ZMAT3: variants seen among roughly 807,000 people sequenced by gnomAD.
ZMAT3 encodes zinc finger matrin-type 3.
ZMAT3 carries 17 observed loss-of-function variants against 32.3 expected under a neutral mutation model. The ratio of observed to expected loss-of-function variants is 0.53; its 90% confidence interval spans 0.36 to 0.79. The LOEUF (loss-of-function observed/expected upper bound fraction) is 0.79. Among genes scored for constraint, ZMAT3 ranks in the 30% least tolerant of loss-of-function variants. ZMAT3 has a pLI of 0.00. For missense variants in ZMAT3, 329 were observed against 359.7 expected (o/e 0.91, Z 0.69); for synonymous variants, 120 against 133.1 (o/e 0.90, Z 0.68).
intron 2 of ZMAT3, among the ~76,000 whole-genome samples, chr3:179,033,772 G>A (rs1560086818): frequency 2.0e-5 from 3 of 152,142 alleles, no homozygotes; most frequent in Non-Finnish European, 4.4e-5. Context: ...TTATTCATTT[G>A]CTGCTCACAA....
At chr3:179,063,897 T>C (rs1172966522) in intron 2 of ZMAT3, among the ~76,000 whole-genome samples, 2 of 152,240 alleles carry the variant, frequency 1.3e-5, no homozygotes, top group African/African-American at 4.8e-5. Context: ...GACCAGTTTT[T>C]AAAAGTCCTT....
chr3:179,027,608 CA>C (rs772148681), intron 4 of ZMAT3, 37 bp downstream of exon 4: 5 of 1,613,824 alleles, frequency 3.1e-6, no homozygotes, highest in Non-Finnish European at 4.2e-6. Context: ...GTCAATCTCA[CA>C]TAACACTTTG....
At position 179,027,711 on chromosome 3, in the gene ZMAT3, A is replaced by C; in HGVS notation, c.492T>G (p.Ala164=). ...ASFSSPAVAQ[A]HYQGKNHAKR... ...TGGCATGATTCTTCCCTTGATAGTG[A>C]GCCTGAGCCACAGCTGGGGAACTGA... The change falls in exon 4 of 6, where the codon GCT becomes GCG. Residue 164 remains alanine (A), a synonymous_variant. Coordinates refer to ENST00000311417, the MANE Select transcript of ZMAT3 (RefSeq NM_022470.4). The C allele has an allele frequency of 2.5e-6, 4 of 1,614,170 alleles. No homozygotes were observed. Among genetic ancestry groups the C allele is most frequent in the Non-Finnish European group, 3.4e-6 (4 of 1,180,032 alleles).
intron 2 of ZMAT3, among the ~76,000 whole-genome samples, chr3:179,045,394 T>C (rs1048364100): frequency 6.6e-6 from 1 of 152,148 alleles, no homozygotes; most frequent in African/African-American, 2.4e-5. Flanking sequence ...AGTGACCACC[T>C]ACAGGACAAC....
At chr3:179,054,910 C>G (rs1029283500) in intron 2 of ZMAT3, among the ~76,000 whole-genome samples, 3 of 152,212 alleles carry the variant, frequency 2.0e-5, no homozygotes, top group Non-Finnish European at 4.4e-5. Context: ...ACACTAGTCA[C>G]TGGGTTCCAT....
intron 2 of ZMAT3, among the ~76,000 whole-genome samples, chr3:179,043,216 A>T (rs1176345803): frequency 6.6e-6 from 1 of 152,240 alleles, no homozygotes; most frequent in Non-Finnish European, 1.5e-5. Flanking sequence ...AGAATTGGAA[A>T]AAACTACTTT....
chr3:179,049,991 C>T (rs530813318), intron 2 of ZMAT3, among the ~76,000 whole-genome samples: 1 of 8,128 alleles, frequency 1.2e-4, no homozygotes, highest in African/African-American at 4.8e-4. Context: ...GACTCCGTCT[C>T]AAAAAAAAAA....
intron 2 of ZMAT3, among the ~76,000 whole-genome samples, chr3:179,060,154 CA>C (rs201856323): frequency 9.1e-5 from 13 of 142,428 alleles, no homozygotes; most frequent in African/African-American, 2.3e-4. Flanking sequence ...CTTGCAACTG[CA>C]AAAAAAAAAT....
intron 2 of ZMAT3, among the ~76,000 whole-genome samples, chr3:179,065,019 CTTAG>C (rs1394352011): frequency 6.6e-6 from 1 of 152,136 alleles, no homozygotes; most frequent in Non-Finnish European, 1.5e-5. Context: ...ACTGCTTTGC[CTTAG>C]TTGTCTGTTA....
At chr3:179,051,278 A>G (rs187767148) in intron 2 of ZMAT3, among the ~76,000 whole-genome samples, 1 of 152,200 alleles carries the variant, frequency 6.6e-6, no homozygotes, top group Non-Finnish European at 1.5e-5. Context: ...CTGGTAAATG[A>G]ATTCAGCAAA....
At chr3:179,051,933 C>T (rs1375089027) in intron 2 of ZMAT3, among the ~76,000 whole-genome samples, 2 of 152,138 alleles carry the variant, frequency 1.3e-5, no homozygotes, top group African/African-American at 4.8e-5. Context: ...GGGGAAAGGA[C>T]ACTCTATTGA....
At chr3:179,064,740 C>T (rs1272302682) in intron 2 of ZMAT3, among the ~76,000 whole-genome samples, 2 of 152,146 alleles carry the variant, frequency 1.3e-5, no homozygotes. Flanking sequence ...CTGGTCTTAG[C>T]CTTGTCTTCA....
rs142126928 is a variant in ZMAT3, at chr3:179,026,055, G to A, written c.659-827C>T. 4.5e-4 allele frequency among the ~76,000 whole-genome samples: 69 copies of A among 152,188 alleles called. No homozygotes were observed. In the East Asian group the frequency reaches 0.013, roughly 29 times the overall value. ...CAAGTGTTAATATATTTTCATTACTGTTTCACTGTAGGAATTTTTAATTTC... is the reference window on the plus strand; with the variant it reads ...CAAGTGTTAATATATTTTCATTACTATTTCACTGTAGGAATTTTTAATTTC... On this transcript the variant is annotated intron_variant, in intron 5 of 5. Transcript: ENST00000311417.
chr3:179,021,300 ACACT>A lies in ZMAT3; in HGVS notation c.*3713_*3716del, dbSNP rs1368235097. 1 of 152,246 alleles carries A rather than the reference ACACT, an allele frequency of 6.6e-6. No individual in the cohort carries two copies. Among genetic ancestry groups the A allele is most frequent in the Non-Finnish European group, 1.5e-5 (1 of 68,050 alleles). 9.4% of individuals were successfully genotyped at this position (152,246 alleles called of 1,614,324 possible). On this transcript the variant is annotated 3_prime_UTR_variant, in exon 6 of 6. Transcript: ENST00000311417. ...AGTGCACTCAAAAGGATTACAGGGC[ACACT>A]CAGTTTAGTAACTGAACTTTTTTTA...
Position 179,032,074 on chromosome 3 carries a change from C to A in ZMAT3, c.271-1075G>T, listed in dbSNP as rs1449474889. On this transcript the variant is annotated intron_variant, in intron 2 of 5. Transcript: ENST00000311417. ...GCTGATCCGAGGCTGGACTGCTTGC[C>A]GCCATCTCGGCTCACTGCAACCTCC... 1.2e-3 allele frequency among the ~76,000 whole-genome samples: 172 copies of A among 140,036 alleles called. 2 individuals carry two copies. Among genetic ancestry groups the A allele is most frequent in the Non-Finnish European group, 2.1e-3 (136 of 64,226 alleles). The allele number at this position is 140,036 out of a possible 152,430, so 91.9% of individuals were successfully genotyped here. A position where few individuals can be genotyped will look rare whatever the true frequency, so the allele number is the denominator to read the frequency against.
At position 179,046,209 on chromosome 3, in the gene ZMAT3, G is replaced by GT. The variant is rs2108563371; in HGVS notation, c.271-15211_271-15210insA. 6.6e-6 allele frequency among the ~76,000 whole-genome samples: 1 copy of GT among 152,312 alleles called. No homozygotes were observed. The highest frequency in any genetic ancestry group is 1.5e-5 in the Non-Finnish European group (1 of 68,030). On this transcript the variant is annotated intron_variant, in intron 2 of 5. Transcript: ENST00000311417. This position sits in a 1 kb window ranked among gnomAD's most constrained non-coding sequence, Gnocchi z 4.3. ...GCATGACTACAGGAACACAGTCCAT[G>GT]AAAAGGCAGAAGAGGTACCCAGTAC...
chr3:179,071,789 A>C lies in ZMAT3; in HGVS notation c.-252T>G, dbSNP rs1721741294. Reference sequence around the variant, plus strand: ...AGTCAGTCCAACCCGACCCACAGGGAAACAGCTGCAGGAAGTGACTGCGGA... The same window carrying C: ...AGTCAGTCCAACCCGACCCACAGGGCAACAGCTGCAGGAAGTGACTGCGGA... On this transcript the variant is annotated 5_prime_UTR_variant, in exon 1 of 6. Transcript: ENST00000311417. 1 of 152,578 alleles carries C rather than the reference A, an allele frequency of 6.6e-6. No individual in the cohort carries two copies. The highest frequency in any genetic ancestry group is 2.4e-5 in the African/African-American group (1 of 41,450). The allele number at this position is 152,578 out of a possible 1,614,324, so 9.5% of individuals were successfully genotyped here. A position where few individuals can be genotyped will look rare whatever the true frequency, so the allele number is the denominator to read the frequency against.
At chr3:179,042,439 T>C (rs191525908) in intron 2 of ZMAT3, among the ~76,000 whole-genome samples, 120 of 152,288 alleles carry the variant, frequency 7.9e-4, no homozygotes, top group Non-Finnish European at 1.5e-3. Context: ...TCAAAAAACA[T>C]AATCCATCAC....
intron 2 of ZMAT3, among the ~76,000 whole-genome samples, chr3:179,065,572 T>C (rs1721366888): frequency 6.6e-6 from 1 of 152,210 alleles, no homozygotes; most frequent in Admixed American, 6.5e-5. Flanking sequence ...GGTATATGTA[T>C]AATCCATGGA....
Sources: gnomAD v4.1 joint callset for allele counts (sites outside exome capture counted in the v4.1 genomes callset) on GRCh38, gnomAD v4.1.1 for gene constraint, Gnocchi (gnomAD v3.1) non-coding constraint, MANE v1.5 for transcripts, NCBI Gene and HGNC (gene_info 2026-07-23, HGNC 2026-07-21) for gene names.